SCN7A: variants seen among roughly 807,000 people sequenced by gnomAD.
SCN7A encodes the protein sodium voltage-gated channel alpha subunit 7, also known as sodium channel protein type 7 subunit alpha.
A neutral mutation model predicts 155.2 loss-of-function variants in SCN7A; 138 were observed. That is an observed-to-expected ratio of 0.89 (90% CI 0.77 to 1.02). SCN7A has a LOEUF of 1.02. Ranked by LOEUF, SCN7A falls within the 50% of genes least tolerant of loss-of-function variation. The probability of loss-of-function intolerance (pLI) is 0.00; values close to 1 mark genes in which losing one functional copy is unlikely to be tolerated. For synonymous variants in SCN7A, 693 were observed against 649.0 expected, an observed-to-expected ratio of 1.07 and a Z score of -1.03; for missense variants, 2,058 against 1,986.6, an observed-to-expected ratio of 1.04 and a Z score of -0.68.
At chr2:166,484,069 C>T (rs977669618) in intron 2 of SCN7A, among the ~76,000 whole-genome samples, 12 of 151,888 alleles carry the variant, frequency 7.9e-5, no homozygotes, top group Non-Finnish European at 1.8e-4. Flanking sequence ...AATAATGTGT[C>T]TCTTGATATC....
chr2:166,481,478 C>CTAAAAT (rs1467337581), intron 2 of SCN7A, among the ~76,000 whole-genome samples: 1 of 152,072 alleles, frequency 6.6e-6, no homozygotes, highest in Non-Finnish European at 1.5e-5. Context: ...TACCCATCGG[C>CTAAAAT]ACAAGTACAG....
chr2:166,423,476 T>C (rs1701556627), intron 18 of SCN7A, 44 bp from the exon 19 acceptor site: 3 of 1,458,638 alleles, frequency 2.1e-6, no homozygotes, highest in South Asian at 1.5e-5. Context: ...GTACAGGTAA[T>C]TTCTAAAAAC....
At chr2:166,420,722 A>G (rs1206973061) in intron 20 of SCN7A, among the ~76,000 whole-genome samples, 1 of 152,038 alleles carries the variant, frequency 6.6e-6, no homozygotes, top group African/African-American at 2.4e-5. Context: ...GAGGTAAGAA[A>G]TCATCACTTG....
At position 166,413,258 on chromosome 2, in the gene SCN7A, A is replaced by G. The variant is rs1575001553; in HGVS notation, c.3415-137T>C. 11 of 437,708 alleles carry G rather than the reference A, an allele frequency of 2.5e-5. No homozygotes were observed. In the East Asian group the frequency reaches 3.9e-4, roughly 16 times the overall value. 27.1% of individuals were successfully genotyped at this position (437,708 alleles called of 1,614,324 possible). A position where few individuals can be genotyped will look rare whatever the true frequency, so the allele number is the denominator to read the frequency against. ...ATACTGTGTAATTGGGATCCTTAACATTTTCATTATTATATTGTCTGTTAA... is the reference window on the plus strand; with the variant it reads ...ATACTGTGTAATTGGGATCCTTAACGTTTTCATTATTATATTGTCTGTTAA... On this transcript the variant is annotated intron_variant, in intron 21 of 25. Coordinates refer to ENST00000643258, the MANE Select transcript of SCN7A (RefSeq NM_002976.4).
chr2:166,450,624 T>C (rs1172845769), intron 11 of SCN7A, among the ~76,000 whole-genome samples: 1 of 151,962 alleles, frequency 6.6e-6, no homozygotes, highest in Non-Finnish European at 1.5e-5. Context: ...TGAAACCCCG[T>C]CTCTACTAAA....
At chr2:166,477,020 G>A (rs181528209) in intron 3 of SCN7A, among the ~76,000 whole-genome samples, 3 of 152,098 alleles carry the variant, frequency 2.0e-5, no homozygotes, top group Admixed American at 6.6e-5. Context: ...GTAAGTGTAT[G>A]TATGTATGAA....
chr2:166,465,934 C>T lies in SCN7A; in HGVS notation c.718G>A (p.Val240Ile). 1.2e-6 allele frequency: 2 copies of T among 1,613,542 alleles called. No individual in the cohort carries two copies. The highest frequency in any genetic ancestry group is 2.2e-5 in the South Asian group (2 of 91,048). ...LIHCLKQLIGVIILTLFFLSI... is the reference protein window; with the variant it reads ...LIHCLKQLIGIIILTLFFLSI... ...AGAAAAAACAGAGTTAGGATAATGACACCAATAAGCTGCTTCAAGCAGTGG... is the reference window on the plus strand; with the variant it reads ...AGAAAAAACAGAGTTAGGATAATGATACCAATAAGCTGCTTCAAGCAGTGG... The change falls in exon 8 of 26, where the codon GTC (valine) becomes ATC (isoleucine). Residue 240 changes from valine to isoleucine, a missense_variant. Val to Ile is a conservative substitution (Grantham distance 29, BLOSUM62 3). Transcript: ENST00000643258.
At chr2:166,444,334 T>C (rs1182828349) in intron 13 of SCN7A, among the ~76,000 whole-genome samples, 5 of 152,172 alleles carry the variant, frequency 3.3e-5, no homozygotes, top group Non-Finnish European at 7.4e-5. Context: ...TGGGCAAAGA[T>C]ACATGGTTAG....
chr2:166,469,295 C>T (rs976630708), intron 7 of SCN7A, among the ~76,000 whole-genome samples: 1 of 151,468 alleles, frequency 6.6e-6, no homozygotes, highest in African/African-American at 2.4e-5. Context: ...CTTCCATTAC[C>T]ACTGAATATT....
At chr2:166,467,643 A>C (rs1000311087) in intron 7 of SCN7A, among the ~76,000 whole-genome samples, 1 of 151,520 alleles carries the variant, frequency 6.6e-6, no homozygotes, top group African/African-American at 2.4e-5. Context: ...GTTTGTTAAT[A>C]ATTTTCATTA....
intron 2 of SCN7A, among the ~76,000 whole-genome samples, chr2:166,486,479 A>T (rs1215982134): frequency 6.6e-6 from 1 of 152,230 alleles, no homozygotes; most frequent in Non-Finnish European, 1.5e-5. Flanking sequence ...TTCTACGAGT[A>T]CAGAGAAGAT....
In SCN7A at chr2:166,443,622, G is replaced by T; in HGVS notation, c.1681C>A (p.Pro561Thr). The change falls in exon 14 of 26, where the codon CCA becomes ACA. Residue 561 changes from proline (P) to threonine (T), a missense_variant. Coordinates refer to ENST00000643258, the MANE Select transcript of SCN7A (RefSeq NM_002976.4). ...CAACCTACTTGGAAATACCCATATG[G>T]ATGCATTGCAATTATTTTAAAAATC... ...EMIFKIIAMH[P>T]YGYFQVGWNI... 1 of 1,568,066 alleles carries T rather than the reference G, an allele frequency of 6.4e-7. No homozygotes were observed. Among genetic ancestry groups the T allele is most frequent in the African/African-American group, 1.3e-5 (1 of 74,074 alleles).
chr2:166,462,907 C>A (rs1162109902), intron 9 of SCN7A, among the ~76,000 whole-genome samples: 1 of 152,134 alleles, frequency 6.6e-6, no homozygotes, highest in African/African-American at 2.4e-5. Flanking sequence ...ATGCATACCT[C>A]ACATACTTAT....
At chr2:166,423,699 A>G (rs1278659231) in intron 18 of SCN7A, among the ~76,000 whole-genome samples, 1 of 152,068 alleles carries the variant, frequency 6.6e-6, no homozygotes, top group Non-Finnish European at 1.5e-5. Context: ...TAATTGTTTT[A>G]AATAGCGATC....
At chr2:166,478,395 C>CTAGT (rs2105516073) in intron 2 of SCN7A, among the ~76,000 whole-genome samples, 1 of 151,654 alleles carries the variant, frequency 6.6e-6, no homozygotes, top group Admixed American at 6.6e-5. Flanking sequence ...TCTGTTATAT[C>CTAGT]TATCATTCTG....
At chr2:166,476,710 C>G (rs1006757486) in intron 3 of SCN7A, among the ~76,000 whole-genome samples, 2 of 151,970 alleles carry the variant, frequency 1.3e-5, no homozygotes, top group Non-Finnish European at 2.9e-5. Context: ...ATTATCTCAC[C>G]TCATATCTCG....
chr2:166,415,488 G>C (rs375124669), intron 21 of SCN7A, among the ~76,000 whole-genome samples: 1 of 152,010 alleles, frequency 6.6e-6, no homozygotes, highest in Non-Finnish European at 1.5e-5. Context: ...CTCCCAAAGT[G>C]CTGGGATTAC....
chr2:166,440,526 T>C (rs554376404), intron 15 of SCN7A: 6 of 152,140 alleles, frequency 3.9e-5, no homozygotes, highest in Admixed American at 6.6e-5. Context: ...GATGCAATCA[T>C]ATATGCGATT....
At chr2:166,465,174 T>C (rs1702501170) in intron 9 of SCN7A, among the ~76,000 whole-genome samples, 1 of 152,174 alleles carries the variant, frequency 6.6e-6, no homozygotes, top group South Asian at 2.1e-4. Flanking sequence ...GTACCATCTA[T>C]TGACCAGAGG....
Sources: gnomAD v4.1 joint callset for allele counts (sites outside exome capture counted in the v4.1 genomes callset) on GRCh38, gnomAD v4.1.1 for gene constraint, MANE v1.5 for transcripts, NCBI Gene and HGNC (gene_info 2026-07-23, HGNC 2026-07-21) for gene names.